Variants in TAF7 observed in about 807,000 individuals in gnomAD.
The protein encoded by TAF7 is transcription initiation factor TFIID subunit 7.
Under a neutral mutation model 25.3 loss-of-function variants are expected in TAF7, and 9 were observed. The observed-to-expected ratio is 0.36, with a 90% CI of 0.21 to 0.62. The LOEUF (loss-of-function observed/expected upper bound fraction) is 0.62, where lower values mean the gene tolerates loss of function less well. TAF7 is among the 20% of genes least tolerant of loss of function. The probability of loss-of-function intolerance (pLI) is 0.72; values close to 1 mark genes in which losing one functional copy is unlikely to be tolerated. For synonymous variants in TAF7, 127 were observed against 146.7 expected (o/e 0.87, Z 0.97); for missense variants, 311 against 410.6 (o/e 0.76, Z 2.10).
In TAF7 at chr5:141,320,782, A is replaced by T. The variant is rs1175482977; in HGVS notation, c.-738T>A. 1 of 167,128 alleles carries T rather than the reference A, an allele frequency of 6.0e-6. No individual in the cohort carries two copies. The highest frequency in any genetic ancestry group is 1.5e-5 in the Non-Finnish European group (1 of 68,136). 10.4% of individuals were successfully genotyped at this position (167,128 alleles called of 1,614,324 possible). A position where few individuals can be genotyped will look rare whatever the true frequency, so the allele number is the denominator to read the frequency against. On this transcript the variant is annotated 5_prime_UTR_variant, in exon 1 of 1. Transcript: ENST00000313368. ...GGGTCGCCTACCCAGCAAAAACGGAAGTGCTACGTCGCGACGCGGGGCGGG... is the reference window on the plus strand; with the variant it reads ...GGGTCGCCTACCCAGCAAAAACGGATGTGCTACGTCGCGACGCGGGGCGGG...
chr5:141,320,463 C>G lies in TAF7; in HGVS notation c.-419G>C. 1 of 173,446 alleles carries G rather than the reference C, an allele frequency of 5.8e-6. No homozygotes were observed. Among genetic ancestry groups the G allele is most frequent in the Non-Finnish European group, 1.4e-5 (1 of 72,184 alleles). The allele number at this position is 173,446 out of a possible 1,614,324, so 10.7% of individuals were successfully genotyped here. A position where few individuals can be genotyped will look rare whatever the true frequency, so the allele number is the denominator to read the frequency against. On this transcript the variant is annotated 5_prime_UTR_variant, in exon 1 of 1. Transcript: ENST00000313368. Reference sequence around the variant, plus strand: ...TTTCAACTCACAAACTCTCCCGGAACAAAGACACTCAAAAAATCAGGGCTC... The same window carrying G: ...TTTCAACTCACAAACTCTCCCGGAAGAAAGACACTCAAAAAATCAGGGCTC...
In TAF7 at chr5:141,320,311, C is replaced by T. The variant is rs148827922; in HGVS notation, c.-267G>A. On this transcript the variant is annotated 5_prime_UTR_variant, in exon 1 of 1. Transcript: ENST00000313368. ...AAGTTCATTAAATCAGATGCAATGC[C>T]AAGTCCCAACCTCTAGGTGCCGCTG... is the stretch of plus-strand genomic sequence containing the variant. 32 of 370,472 alleles carry T rather than the reference C, an allele frequency of 8.6e-5. No individual in the cohort carries two copies. Among genetic ancestry groups the T allele is most frequent in the African/African-American group, 6.4e-4 (30 of 47,094 alleles). The allele number at this position is 370,472 out of a possible 1,614,324, so 22.9% of individuals were successfully genotyped here. A position where few individuals can be genotyped will look rare whatever the true frequency, so the allele number is the denominator to read the frequency against.
In TAF7 at chr5:141,320,651, A is replaced by G. The variant is rs1756147201; in HGVS notation, c.-607T>C. On this transcript the variant is annotated 5_prime_UTR_variant, in exon 1 of 1. Coordinates refer to ENST00000313368, the MANE Select transcript of TAF7 (RefSeq NM_005642.3). The stretch of plus-strand genomic sequence containing the variant: ...ATTCTTCCTGCCGCTTGGCAGAGTG[A>G]TCCACTACCGATTACTGATGAAAGG... The G allele has an allele frequency of 6.0e-6, 1 of 167,294 alleles. No individual in the cohort carries two copies. The highest frequency in any genetic ancestry group is 2.4e-5 in the African/African-American group (1 of 41,480). 10.4% of individuals were successfully genotyped at this position (167,294 alleles called of 1,614,324 possible).
rs563625462 is a variant in TAF7, at chr5:141,320,611, C to T, written c.-567G>A. On this transcript the variant is annotated 5_prime_UTR_variant, in exon 1 of 1. Coordinates refer to ENST00000313368, the MANE Select transcript of TAF7 (RefSeq NM_005642.3). ...CAAGCGGGAGAGAGCCGAGCGTCTC[C>T]TTGTCGTTTCCTTAATTCTTCCTGC... 8 of 167,460 alleles carry T rather than the reference C, an allele frequency of 4.8e-5. No homozygotes were observed. The highest frequency in any genetic ancestry group is 1.0e-4 in the Non-Finnish European group (7 of 68,376). 10.4% of individuals were successfully genotyped at this position (167,460 alleles called of 1,614,324 possible). A position where few individuals can be genotyped will look rare whatever the true frequency, so the allele number is the denominator to read the frequency against.
At position 141,318,843 on chromosome 5, in the gene TAF7, GA is replaced by G; in HGVS notation, c.*151del. The G allele has an allele frequency of 1.4e-6, 1 of 723,892 alleles. No homozygotes were observed. Among genetic ancestry groups the G allele is most frequent in the Non-Finnish European group, 2.1e-6 (1 of 474,530 alleles). 44.8% of individuals were successfully genotyped at this position (723,892 alleles called of 1,614,324 possible). A position where few individuals can be genotyped will look rare whatever the true frequency, so the allele number is the denominator to read the frequency against. ...CCTAGCAAAACAATATAAATTTGCT[GA>G]AAAACAAAATTACAAACAAATGAAA... is the stretch of plus-strand genomic sequence containing the variant. On this transcript the variant is annotated 3_prime_UTR_variant, in exon 1 of 1. Transcript: ENST00000313368.
Position 141,319,307 on chromosome 5 carries a change from G to T in TAF7, c.738C>A (p.Ile246=). The change falls in exon 1 of 1, where the codon ATC becomes ATA. Residue 246 remains isoleucine, a synonymous_variant. Coordinates refer to ENST00000313368, the MANE Select transcript of TAF7 (RefSeq NM_005642.3). This position sits in a 1 kb window ranked among gnomAD's most constrained non-coding sequence, Gnocchi z 5.3. ...TCTCCAGATCTTCCTCCGTGTCAAT[G>T]ATGTTTATATCTTCTTCATCTTGAT... is the stretch of plus-strand genomic sequence containing the variant. ...TQHQDEEDIN[I]IDTEEDLERQ... 3.1e-6 allele frequency: 5 copies of T among 1,613,964 alleles called. No homozygotes were observed. Among genetic ancestry groups the T allele is most frequent in the Non-Finnish European group, 4.2e-6 (5 of 1,180,018 alleles).
In TAF7 at chr5:141,319,779, G is replaced by A; in HGVS notation, c.266C>T (p.Ala89Val). 1 of 1,614,100 alleles carries A rather than the reference G, an allele frequency of 6.2e-7. No individual in the cohort carries two copies. Among genetic ancestry groups the A allele is most frequent in the Non-Finnish European group, 8.5e-7 (1 of 1,180,034 alleles). The change falls in exon 1 of 1, where the codon GCT becomes GTT. Residue 89 changes from alanine to valine, a missense_variant. Ala to Val is a moderately conservative substitution (Grantham distance 64). Transcript: ENST00000313368. This position sits in a 1 kb window ranked among gnomAD's most constrained non-coding sequence, Gnocchi z 5.3. The part of the protein sequence containing the change: ...TIDKKTFYKT[A>V]DICQMLVSTV... ...GGATACAAGCATCTGACAGATATCA[G>A]CTGTCTTGTAAAAAGTTTTTTTATC...
rs1289416235 is a variant in TAF7 at position 141,318,866 on chromosome 5, G to GA, written c.*128dup. The GA allele has an allele frequency of 6.2e-6, 5 of 812,842 alleles. No individual in the cohort carries two copies. The highest frequency in any genetic ancestry group is 9.0e-6 in the Non-Finnish European group (5 of 556,012). 50.4% of individuals were successfully genotyped at this position (812,842 alleles called of 1,614,324 possible). A position where few individuals can be genotyped will look rare whatever the true frequency, so the allele number is the denominator to read the frequency against. ...CTGAAAAACAAAATTACAAACAAAT[G>GA]AAAGAACTTAACAGAACACACAGCA... On this transcript the variant is annotated 3_prime_UTR_variant, in exon 1 of 1. Coordinates refer to ENST00000313368, the MANE Select transcript of TAF7 (RefSeq NM_005642.3).
chr5:141,320,153 T>C lies in TAF7; in HGVS notation c.-109A>G. 1.0e-6 allele frequency: 1 copy of C among 964,906 alleles called. No homozygotes were observed. Among genetic ancestry groups the C allele is most frequent in the Non-Finnish European group, 1.5e-6 (1 of 653,826 alleles). The allele number at this position is 964,906 out of a possible 1,614,324, so 59.8% of individuals were successfully genotyped here. ...TTTGCTATGAATTGAAATCTTTTAA[T>C]TACAAGAAGTTCTCTGTAGATCAGC... On this transcript the variant is annotated 5_prime_UTR_variant, in exon 1 of 1. Coordinates refer to ENST00000313368, the MANE Select transcript of TAF7 (RefSeq NM_005642.3).
At position 141,319,129 on chromosome 5, in the gene TAF7, T is replaced by C; in HGVS notation, c.916A>G (p.Ile306Val). The C allele has an allele frequency of 6.3e-7, 1 of 1,592,072 alleles. No homozygotes were observed. Among genetic ancestry groups the C allele is most frequent in the Non-Finnish European group, 8.6e-7 (1 of 1,160,980 alleles). ...AGAGCCAGATTTTCCACTTTCATGA[T>C]GAGATCCTCTTGTCGTTTTGCCCTG... ...QDRAKRQEDL[I>V]MKVENLALKN... The change falls in exon 1 of 1, where the codon ATC becomes GTC. Residue 306 changes from isoleucine to valine, a missense_variant. Physicochemically the swap from Ile to Val is conservative, Grantham distance 29. Transcript: ENST00000313368. The surrounding 1 kb of genome is among the most constrained non-coding windows in gnomAD (Gnocchi z 5.3).
At position 141,320,159 on chromosome 5, in the gene TAF7, G is replaced by C. The variant is rs1016657160; in HGVS notation, c.-115C>G. The C allele has an allele frequency of 5.7e-5, 52 of 914,350 alleles. No individual in the cohort carries two copies. The highest frequency in any genetic ancestry group is 8.2e-5 in the Non-Finnish European group (50 of 608,332). 56.6% of individuals were successfully genotyped at this position (914,350 alleles called of 1,614,324 possible). Reference sequence around the variant, plus strand: ...ATGAATTGAAATCTTTTAATTACAAGAAGTTCTCTGTAGATCAGCAGCTAA... The same window carrying C: ...ATGAATTGAAATCTTTTAATTACAACAAGTTCTCTGTAGATCAGCAGCTAA... On this transcript the variant is annotated 5_prime_UTR_variant, in exon 1 of 1. Coordinates refer to ENST00000313368, the MANE Select transcript of TAF7 (RefSeq NM_005642.3).
chr5:141,319,732 G>A lies in TAF7; in HGVS notation c.313C>T (p.Pro105Ser). 6.2e-7 allele frequency: 1 copy of A among 1,614,112 alleles called. No homozygotes were observed. Among genetic ancestry groups the A allele is most frequent in the Non-Finnish European group, 8.5e-7 (1 of 1,180,012 alleles). Residue 105 changes from proline to serine, a missense_variant, in exon 1 of 1, where the codon CCT becomes TCT. Pro to Ser is a moderately conservative substitution (Grantham distance 74). This residue lies in a region of TAF7 where 119 missense variants were observed against 159.3 expected (regional missense o/e 0.75). Transcript: ENST00000313368. The surrounding 1 kb of genome is among the most constrained non-coding windows in gnomAD (Gnocchi z 5.3). Reference protein sequence around the residue: ...LVSTVDGDLYPPVEEPVASTD... With the variant: ...LVSTVDGDLYSPVEEPVASTD... ...CTAGCAACTGGCTCCTCCACAGGAG[G>A]ATAGAGATCACCATCAACTGTGGAT...
rs762274612 is a variant in TAF7, at chr5:141,318,982, A to G, written c.*13T>C. 6.4e-6 allele frequency: 10 copies of G among 1,564,412 alleles called. No individual in the cohort carries two copies. In the Admixed American group the frequency reaches 1.6e-4, roughly 25 times the overall value. On this transcript the variant is annotated 3_prime_UTR_variant, in exon 1 of 1. Coordinates refer to ENST00000313368, the MANE Select transcript of TAF7 (RefSeq NM_005642.3). ...TGACCAGTCTGAAGACTGAAATTAA[A>G]TATCAGTTCTTTTTACTTCTCTAGG...
rs140842982 is a variant in TAF7, at chr5:141,318,551, T to A, written c.*444A>T. ...GAAACAACTTAATAATTTGCATCTC[T>A]ACATATAGAAAGCTGCTTTGAATAA... On this transcript the variant is annotated 3_prime_UTR_variant, in exon 1 of 1. Transcript: ENST00000313368. 327 of 154,194 alleles carry A rather than the reference T, an allele frequency of 2.1e-3. 3 individuals carry two copies. Among genetic ancestry groups the A allele is most frequent in the Non-Finnish European group, 4.1e-3 (286 of 69,430 alleles). The allele number at this position is 154,194 out of a possible 1,614,324, so 9.6% of individuals were successfully genotyped here. A position where few individuals can be genotyped will look rare whatever the true frequency, so the allele number is the denominator to read the frequency against.
Position 141,319,189 on chromosome 5 carries a change from C to G in TAF7, c.856G>C (p.Asp286His). 1 of 1,614,092 alleles carries G rather than the reference C, an allele frequency of 6.2e-7. No homozygotes were observed. Among genetic ancestry groups the G allele is most frequent in the Non-Finnish European group, 8.5e-7 (1 of 1,180,030 alleles). Residue 286 changes from aspartate (D) to histidine (H), a missense_variant, in exon 1 of 1, where the codon GAC becomes CAC. By Grantham distance (81) the Asp-to-His change is moderately conservative. Transcript: ENST00000313368. The surrounding 1 kb of genome is among the most constrained non-coding windows in gnomAD (Gnocchi z 5.3). ...TCTTGGAGCTTGCCTTTCATGTTGT[C>G]AATCTGCTTCTGAATTCCCATAACC... ...QLVMGIQKQIDNMKGKLQETQ... is the reference protein window; with the variant it reads ...QLVMGIQKQIHNMKGKLQETQ...
In TAF7 at chr5:141,319,287, A is replaced by T. The variant is rs148269895; in HGVS notation, c.758T>A (p.Leu253Gln). 2 of 1,613,874 alleles carry T rather than the reference A, an allele frequency of 1.2e-6. No individual in the cohort carries two copies. The highest frequency in any genetic ancestry group is 1.3e-5 in the African/African-American group (1 of 74,888). The stretch of plus-strand genomic sequence containing the variant: ...TAGCTTGTCCTGTAGCTGTCTCTCC[A>T]GATCTTCCTCCGTGTCAATGATGTT... ...DINIIDTEED[L>Q]ERQLQDKLNE... Residue 253 changes from leucine to glutamine, a missense_variant, in exon 1 of 1, where the codon CTG becomes CAG. Physicochemically the swap from Leu to Gln is moderately radical, Grantham distance 113. Around this residue, in one of 3 missense-constraint regions of TAF7, gnomAD observed 179 missense variants for 206.7 expected, o/e 0.87. Transcript: ENST00000313368. This position sits in a 1 kb window ranked among gnomAD's most constrained non-coding sequence, Gnocchi z 5.3.
chr5:141,320,353 G>C lies in TAF7; in HGVS notation c.-309C>G, dbSNP rs561582522. 7.7e-6 allele frequency: 2 copies of C among 259,192 alleles called. No homozygotes were observed. Among genetic ancestry groups the C allele is most frequent in the Non-Finnish European group, 1.6e-5 (2 of 125,538 alleles). The allele number at this position is 259,192 out of a possible 1,614,324, so 16.1% of individuals were successfully genotyped here. A position where few individuals can be genotyped will look rare whatever the true frequency, so the allele number is the denominator to read the frequency against. On this transcript the variant is annotated 5_prime_UTR_variant, in exon 1 of 1. Coordinates refer to ENST00000313368, the MANE Select transcript of TAF7 (RefSeq NM_005642.3). ...GTGCCGCTGCCGGACAACGCGGAGA[G>C]AGCTAGCTAGCTAGCTAGGGAACAG...
rs1182172822 is a variant in TAF7 at position 141,319,894 on chromosome 5, C to A, written c.151G>T (p.Gly51Trp). Residue 51 changes from glycine (G) to tryptophan (W), a missense_variant, in exon 1 of 1, where the codon GGG becomes TGG. Physicochemically the swap from Gly to Trp is radical, Grantham distance 184. Around this residue, in one of 3 missense-constraint regions of TAF7, gnomAD observed 119 missense variants for 159.3 expected, o/e 0.75. Coordinates refer to ENST00000313368, the MANE Select transcript of TAF7 (RefSeq NM_005642.3). The surrounding 1 kb of genome is among the most constrained non-coding windows in gnomAD (Gnocchi z 5.3). The stretch of plus-strand genomic sequence containing the variant: ...TCCACTCTGACGATTCCATGACGCC[C>A]ATCAGGATGTAACTCAATTGTCAGT... ...DRLTIELHPD[G>W]RHGIVRVDRV... The A allele has an allele frequency of 2.5e-6, 4 of 1,614,188 alleles. No homozygotes were observed. The highest frequency in any genetic ancestry group is 1.1e-5 in the South Asian group (1 of 91,084).
At position 141,318,591 on chromosome 5, in the gene TAF7, A is replaced by T; in HGVS notation, c.*404T>A. The T allele has an allele frequency of 6.4e-6, 1 of 156,858 alleles. No individual in the cohort carries two copies. Among genetic ancestry groups the T allele is most frequent in the Non-Finnish European group, 1.4e-5 (1 of 71,352 alleles). The allele number at this position is 156,858 out of a possible 1,614,324, so 9.7% of individuals were successfully genotyped here. On this transcript the variant is annotated 3_prime_UTR_variant, in exon 1 of 1. Coordinates refer to ENST00000313368, the MANE Select transcript of TAF7 (RefSeq NM_005642.3). ...GCTTTGAATAACTGGGAAAACAATT[A>T]TTGCATAGGAAAACATATGCAAACT...
Sources: gnomAD v4.1 joint callset for allele counts on GRCh38, gnomAD v4.1.1 for gene constraint, gnomAD v4.1.1 regional missense constraint, Gnocchi (gnomAD v3.1) non-coding constraint, MANE v1.5 for transcripts, NCBI Gene and HGNC (gene_info 2026-07-23, HGNC 2026-07-21) for gene names.